GDAP1: variants seen among roughly 807,000 people sequenced by gnomAD.
The protein encoded by GDAP1 is ganglioside induced differentiation associated protein 1.
GDAP1 carries 34 observed loss-of-function variants against 40.1 expected under a neutral mutation model. That is an observed-to-expected ratio of 0.85 (90% CI 0.64 to 1.13). The LOEUF is 1.13. GDAP1 is among the 50% of genes most tolerant of loss of function. The pLI, the probability that GDAP1 is intolerant of heterozygous loss-of-function variation, is 0.00. For missense variants in GDAP1, 374 were observed against 433.7 expected (o/e 0.86, Z 1.22); for synonymous variants, 170 against 157.4 (o/e 1.08, Z -0.60).
chr8:74,352,301 A>G (rs888230630), intron 2 of GDAP1, among the ~76,000 whole-genome samples: 8 of 152,232 alleles, frequency 5.3e-5, no homozygotes, highest in East Asian at 3.8e-4. Flanking sequence ...GCTGATCACA[A>G]TGGACATTGA....
intron 2 of GDAP1, among the ~76,000 whole-genome samples, chr8:74,483,013 T>G (rs553247027): frequency 6.6e-6 from 1 of 152,260 alleles, no homozygotes; most frequent in South Asian, 2.1e-4. Context: ...AATAAGTTAC[T>G]TAACTGCTGC....
intron 2 of GDAP1, among the ~76,000 whole-genome samples, chr8:74,383,855 AC>A (rs1809989139): frequency 6.6e-6 from 1 of 152,034 alleles, no homozygotes; most frequent in South Asian, 2.1e-4. Flanking sequence ...AAACACATAC[AC>A]TCACAAATAT....
intron 3 of GDAP1, among the ~76,000 whole-genome samples, chr8:74,361,210 A>G (rs558241095): frequency 1.2e-4 from 18 of 152,004 alleles, no homozygotes; most frequent in African/African-American, 4.1e-4. Context: ...TCTATGACCT[A>G]TAGTTAATAT....
intron 2 of GDAP1, among the ~76,000 whole-genome samples, chr8:74,440,300 AG>A (rs958592875): frequency 3.3e-5 from 5 of 152,196 alleles, no homozygotes; most frequent in African/African-American, 1.2e-4. Flanking sequence ...TCATTGAGAC[AG>A]GGGTATGGTC....
At chr8:74,363,883 G>C in intron 5 of GDAP1, 102 bp from the exon 6 acceptor site, 1 of 890,316 alleles carries the variant, frequency 1.1e-6, no homozygotes, top group Middle Eastern at 2.6e-4. Context: ...TTCATCTTTT[G>C]CTATACTCAC....
chr8:74,459,448 C>T (rs1171702671), intron 2 of GDAP1, among the ~76,000 whole-genome samples: 1 of 152,120 alleles, frequency 6.6e-6, no homozygotes, highest in African/African-American at 2.4e-5. Context: ...GATAGTAATT[C>T]TATAGATCTA....
chr8:74,399,166 A>G (rs1231497917), intron 2 of GDAP1, among the ~76,000 whole-genome samples: 5 of 152,074 alleles, frequency 3.3e-5, no homozygotes, highest in East Asian at 1.9e-4. Context: ...TCGGCTGTCA[A>G]TCCATCTGGT....
At chr8:74,359,717 A>G (rs1809263171) in intron 2 of GDAP1, among the ~76,000 whole-genome samples, 1 of 152,236 alleles carries the variant, frequency 6.6e-6, no homozygotes, top group African/African-American at 2.4e-5. Flanking sequence ...CCCTGAAGAC[A>G]GTCATGGGGA....
chr8:74,478,446 G>T (rs1322789592), intron 2 of GDAP1, among the ~76,000 whole-genome samples: 1 of 152,004 alleles, frequency 6.6e-6, no homozygotes, highest in African/African-American at 2.4e-5. Flanking sequence ...TACCAGTCAG[G>T]TGTGGTCAGC....
chr8:74,479,252 A>G (rs1419540139), intron 2 of GDAP1, among the ~76,000 whole-genome samples: 2 of 152,120 alleles, frequency 1.3e-5, no homozygotes, highest in African/African-American at 4.8e-5. Flanking sequence ...TTGGTTTTGT[A>G]TTTAATTTCT....
chr8:74,485,782 G>A (rs2128721971), intron 2 of GDAP1, among the ~76,000 whole-genome samples: 1 of 152,270 alleles, frequency 6.6e-6, no homozygotes, highest in East Asian at 1.9e-4. Context: ...ATCAACTGGG[G>A]AAAATGGTTT....
intron 2 of GDAP1, among the ~76,000 whole-genome samples, chr8:74,481,035 A>G (rs1245629936): frequency 6.6e-6 from 1 of 152,226 alleles, no homozygotes; most frequent in Non-Finnish European, 1.5e-5. Context: ...TGAGTACTTT[A>G]TGTATTTTAA....
chr8:74,417,757 C>CAAAAA (rs71269993), intron 2 of GDAP1, among the ~76,000 whole-genome samples: 1 of 75,904 alleles, frequency 1.3e-5, no homozygotes. Context: ...AACTCCATCT[C>CAAAAA]AAAAAAAAAA....
chr8:74,373,925 C>T (rs1042276274), intron 2 of GDAP1, among the ~76,000 whole-genome samples: 9 of 152,082 alleles, frequency 5.9e-5, no homozygotes, highest in East Asian at 1.9e-4. Flanking sequence ...TTTTGAGATG[C>T]GTCCCATCAA....
intron 2 of GDAP1, among the ~76,000 whole-genome samples, chr8:74,380,564 A>T (rs878931958): frequency 1.3e-5 from 2 of 151,334 alleles, no homozygotes; most frequent in African/African-American, 2.4e-5. Flanking sequence ...ATTCCTTTAT[A>T]TATGCAAAAT....
chr8:74,460,783 T>C (rs1022760345), intron 2 of GDAP1, among the ~76,000 whole-genome samples: 2 of 151,614 alleles, frequency 1.3e-5, no homozygotes, highest in Non-Finnish European at 2.9e-5. Context: ...GACATGAATA[T>C]ACAGAGAAAG....
At chr8:74,482,285 A>G (rs1046239242) in intron 2 of GDAP1, among the ~76,000 whole-genome samples, 1 of 152,198 alleles carries the variant, frequency 6.6e-6, no homozygotes, top group Admixed American at 6.5e-5. Context: ...ATAGTTCCTC[A>G]GTATTTGGCC....
intron 2 of GDAP1, among the ~76,000 whole-genome samples, chr8:74,457,791 C>T (rs1806354244): frequency 6.6e-6 from 1 of 152,078 alleles, no homozygotes; most frequent in African/African-American, 2.4e-5. Context: ...CACAATCACC[C>T]AGATTCACTT....
chr8:74,391,802 T>C (rs1810114042), intron 2 of GDAP1, among the ~76,000 whole-genome samples: 2 of 152,160 alleles, frequency 1.3e-5, no homozygotes. Context: ...TATTTATTAT[T>C]GACTTCAGAT....
Sources: allele counts gnomAD v4.1 joint callset (sites outside exome capture counted in the v4.1 genomes callset), GRCh38; gene constraint gnomAD v4.1.1; transcripts MANE v1.5; gene names NCBI Gene and HGNC (gene_info 2026-07-23, HGNC 2026-07-21).